SPON1: variants seen among roughly 807,000 people sequenced by gnomAD.
SPON1 encodes spondin-1.
A neutral mutation model predicts 111.7 loss-of-function variants in SPON1; 52 were observed. The ratio of observed to expected loss-of-function variants is 0.47; its 90% CI spans 0.37 to 0.59. SPON1 has a LOEUF of 0.59. Ranked by LOEUF, SPON1 falls within the 20% of genes least tolerant of loss-of-function variation. SPON1 has a pLI of 0.00. For synonymous variants in SPON1, 410 were observed against 395.8 expected, an observed-to-expected ratio of 1.04 and a Z score of -0.43; for missense variants, 957 against 1,068.5, an observed-to-expected ratio of 0.90 and a Z score of 1.46.
intron 6 of SPON1, among the ~76,000 whole-genome samples, chr11:14,221,525 A>T (rs1554937582): frequency 1.3e-5 from 2 of 152,248 alleles, no homozygotes; most frequent in African/African-American, 4.8e-5. Flanking sequence ...CAGTGTGATG[A>T]ATGGGATACA....
intron 7 of SPON1, among the ~76,000 whole-genome samples, chr11:14,254,003 G>A (rs558785478): frequency 6.6e-6 from 1 of 152,346 alleles, no homozygotes; most frequent in South Asian, 2.1e-4. Flanking sequence ...TTAGACTCAG[G>A]ATGTTATTCC....
At chr11:14,209,198 C>T (rs948571138) in intron 6 of SPON1, among the ~76,000 whole-genome samples, 6 of 152,142 alleles carry the variant, frequency 3.9e-5, no homozygotes, top group African/African-American at 1.4e-4. Context: ...TGACAGCTCA[C>T]AGAATGGAGC....
intron 2 of SPON1, among the ~76,000 whole-genome samples, chr11:14,001,269 C>G (rs1235659261): frequency 7.2e-5 from 11 of 152,166 alleles, no homozygotes; most frequent in African/African-American, 2.4e-4. Context: ...CCTGGGAGCC[C>G]AATCCTGAAG....
At chr11:14,174,985 C>G (rs1383774959) in intron 6 of SPON1, among the ~76,000 whole-genome samples, 8 of 126,132 alleles carry the variant, frequency 6.3e-5, no homozygotes, top group African/African-American at 2.5e-4. Flanking sequence ...AGAAGCTCTA[C>G]AAGATAGTTC....
chr11:14,078,691 A>T (rs1554921724), intron 4 of SPON1, among the ~76,000 whole-genome samples: 10 of 152,134 alleles, frequency 6.6e-5, no homozygotes. Flanking sequence ...GCTTCAATTT[A>T]CTGACCTGTA....
chr11:14,063,647 C>G (rs1214741109), intron 3 of SPON1, among the ~76,000 whole-genome samples: 1 of 152,200 alleles, frequency 6.6e-6, no homozygotes, highest in South Asian at 2.1e-4. Context: ...AAGAGGGGCA[C>G]AGACATTGAA....
intron 6 of SPON1, among the ~76,000 whole-genome samples, chr11:14,188,752 G>A (rs1848313334): frequency 6.6e-6 from 1 of 152,168 alleles, no homozygotes; most frequent in Non-Finnish European, 1.5e-5. Flanking sequence ...CCTTGGGAAA[G>A]TCCTTAATCT....
chr11:14,018,686 C>G (rs1407242558), intron 2 of SPON1, among the ~76,000 whole-genome samples: 4 of 152,150 alleles, frequency 2.6e-5, no homozygotes, highest in African/African-American at 4.8e-5. Flanking sequence ...CAGAAAAAGC[C>G]TCCTAGTGGG....
intron 6 of SPON1, among the ~76,000 whole-genome samples, chr11:14,149,108 A>C (rs528611712): frequency 1.2e-4 from 19 of 152,270 alleles, no homozygotes; most frequent in African/African-American, 4.6e-4. Context: ...AAACAGCCTC[A>C]GGCAAGTCCT....
At chr11:14,126,697 T>A (rs1257043283) in intron 5 of SPON1, among the ~76,000 whole-genome samples, 1 of 152,108 alleles carries the variant, frequency 6.6e-6, no homozygotes, top group Non-Finnish European at 1.5e-5. Context: ...GTCTGCCGCT[T>A]CCCCCTAGGT....
chr11:14,161,209 T>TTATGTATATC (rs1847953688), intron 6 of SPON1, among the ~76,000 whole-genome samples: 1 of 47,680 alleles, frequency 2.1e-5, no homozygotes, highest in Non-Finnish European at 4.4e-5. Flanking sequence ...ATTTATATAT[T>TTATGTATATC]TATATATATC....
intron 1 of SPON1, among the ~76,000 whole-genome samples, chr11:13,982,577 T>C (rs1554909794): frequency 6.6e-6 from 1 of 152,168 alleles, no homozygotes; most frequent in African/African-American, 2.4e-5. Flanking sequence ...AAATTGTGGT[T>C]ATTGGGAGAG....
intron 1 of SPON1, among the ~76,000 whole-genome samples, chr11:13,969,199 G>C (rs1352186837): frequency 8.9e-6 from 1 of 112,908 alleles, no homozygotes; most frequent in Non-Finnish European, 1.8e-5. Context: ...GGACAATATG[G>C]CAAAACCCAT....
rs782372581 is a variant in SPON1 at position 14,259,611 on chromosome 11, C to T, written c.1741C>T (p.Arg581Trp). 12 of 1,557,948 alleles carry T rather than the reference C, an allele frequency of 7.7e-6. No individual in the cohort carries two copies. Among genetic ancestry groups the T allele is most frequent in the East Asian group, 2.4e-5 (1 of 41,400 alleles). ...SATCGMGMKK[R>W]HRMIKMNPAD... is the part of the protein sequence containing the mutation. ...CACCTGCGGCATGGGCATGAAGAAG[C>T]GGCACCGCATGATCAAGATGAACCC... The change falls in exon 13 of 16, where the codon CGG becomes TGG. Residue 581 changes from arginine to tryptophan, a missense_variant. Transcript: ENST00000576479. This position sits in a 1 kb window ranked among gnomAD's most constrained non-coding sequence, Gnocchi z 5.0.
intron 6 of SPON1, among the ~76,000 whole-genome samples, chr11:14,242,572 G>A (rs984017672): frequency 1.3e-5 from 2 of 152,150 alleles, no homozygotes; most frequent in African/African-American, 2.4e-5. Flanking sequence ...CCCCTCACCC[G>A]CAGTGTGTAA....
intron 6 of SPON1, among the ~76,000 whole-genome samples, chr11:14,161,307 T>A (rs201388800): frequency 0.053 from 999 of 18,790 alleles, 122 homozygotes; most frequent in African/African-American, 0.12. Context: ...ATATATATAT[T>A]TTTTTATATC....
At position 14,132,272 on chromosome 11, in the gene SPON1, C is replaced by T. The variant is rs147898893; in HGVS notation, c.677-3148C>T. Among the ~76,000 whole-genome samples the T allele has an allele frequency of 2.9e-3, 429 of 150,078 alleles. 1 individual carries two copies. The highest frequency in any genetic ancestry group is 9.5e-3 in the African/African-American group (387 of 40,756). ...TAGCCCAGGCAACAGTACAAGACTC[C>T]GTCTCAAAAAAAAAAAAATTGAATT... On this transcript the variant is annotated intron_variant, in intron 5 of 15. Coordinates refer to ENST00000576479, the MANE Select transcript of SPON1 (RefSeq NM_006108.4).
At chr11:14,147,111 C>T (rs1847729808) in intron 6 of SPON1, among the ~76,000 whole-genome samples, 1 of 145,964 alleles carries the variant, frequency 6.9e-6, no homozygotes, top group South Asian at 2.2e-4. Context: ...CTCACTGCAG[C>T]CTCCACCTCC....
chr11:14,243,422 G>A, intron 7 of SPON1, 26 bp downstream of exon 7: 1 of 1,556,112 alleles, frequency 6.4e-7, no homozygotes, highest in South Asian at 1.2e-5. Context: ...CCCTTGCCTG[G>A]CCTGTCTTAT....
Sources: gnomAD v4.1 joint callset for allele counts (sites outside exome capture counted in the v4.1 genomes callset) on GRCh38, gnomAD v4.1.1 for gene constraint, Gnocchi (gnomAD v3.1) non-coding constraint, MANE v1.5 for transcripts, NCBI Gene and HGNC (gene_info 2026-07-23, HGNC 2026-07-21) for gene names.